Variants in SNX29 observed in about 807,000 individuals in gnomAD.
SNX29 encodes sorting nexin-29.
In SNX29, 78 loss-of-function variants were observed where a neutral mutation model predicts 102.1. That is an observed-to-expected ratio of 0.76 (90% CI 0.64 to 0.92). The LOEUF is 0.92. Ranked by LOEUF, SNX29 falls within the 40% of genes least tolerant of loss-of-function variation. The pLI is 0.00. For synonymous variants in SNX29, 580 were observed against 414.5 expected (o/e 1.40, Z -4.85); for missense variants, 1,280 against 1,061.7 (o/e 1.21, Z -2.86).
intron 15 of SNX29, among the ~76,000 whole-genome samples, chr16:12,281,371 G>C (rs886555621): frequency 1.3e-5 from 2 of 152,198 alleles, no homozygotes; most frequent in African/African-American, 4.8e-5. Context: ...TTTGTGCTTG[G>C]TGACCTGGAA....
At chr16:12,469,334 T>C (rs1326050320) in intron 18 of SNX29, among the ~76,000 whole-genome samples, 1 of 152,240 alleles carries the variant, frequency 6.6e-6, no homozygotes, top group Non-Finnish European at 1.5e-5. Context: ...GTGAGGACAC[T>C]TATAGTTAAT....
chr16:12,312,436 C>T (rs945945307), intron 15 of SNX29, among the ~76,000 whole-genome samples: 1 of 152,162 alleles, frequency 6.6e-6, no homozygotes, highest in African/African-American at 2.4e-5. Flanking sequence ...GAGTGAGGGT[C>T]TGTTTTTGAG....
chr16:12,501,028 T>A (rs1055761598), intron 19 of SNX29, among the ~76,000 whole-genome samples: 22 of 152,202 alleles, frequency 1.4e-4, no homozygotes, highest in Non-Finnish European at 2.9e-4. Context: ...TGTTGCCCTC[T>A]CAGGATGAAA....
At chr16:12,053,864 A>G (rs1384439304) in intron 8 of SNX29, among the ~76,000 whole-genome samples, 1 of 152,186 alleles carries the variant, frequency 6.6e-6, no homozygotes, top group Non-Finnish European at 1.5e-5. Context: ...TCCATTTTAC[A>G]GACAGAAGAA....
intron 18 of SNX29, among the ~76,000 whole-genome samples, chr16:12,449,940 C>G (rs528122769): frequency 6.6e-6 from 1 of 152,322 alleles, no homozygotes; most frequent in Admixed American, 6.5e-5. Context: ...CATAATTCCC[C>G]ACGTGTTGTG....
chr16:12,291,538 T>G (rs1286690312), intron 15 of SNX29, among the ~76,000 whole-genome samples: 1 of 152,180 alleles, frequency 6.6e-6, no homozygotes, highest in Non-Finnish European at 1.5e-5. Context: ...ATCAGTAGGT[T>G]TTCCTCCTCA....
At chr16:12,236,658 C>T (rs565193461) in intron 14 of SNX29, among the ~76,000 whole-genome samples, 13 of 152,218 alleles carry the variant, frequency 8.5e-5, no homozygotes, top group Admixed American at 2.0e-4. Context: ...GGAAAACCAG[C>T]CACAGGCTAC....
At chr16:12,380,510 C>G (rs2083047163) in intron 16 of SNX29, among the ~76,000 whole-genome samples, 1 of 132,804 alleles carries the variant, frequency 7.5e-6, no homozygotes. Context: ...ATCCACCTAC[C>G]CACCCCTCAT....
rs560433392 is a variant in SNX29 at position 12,573,630 on chromosome 16, C to A, written c.*5001C>A. ...CAGCTCTGCCGCTGGTCTCCATGAA[C>A]GGCAAGGGGAACCACCACTCATTCA... On this transcript the variant is annotated 3_prime_UTR_variant, in exon 21 of 21. Coordinates refer to ENST00000566228, the MANE Select transcript of SNX29 (RefSeq NM_032167.5). 1.4e-5 allele frequency: 3 copies of A among 221,392 alleles called. No individual in the cohort carries two copies. In the South Asian group the frequency reaches 5.5e-4, roughly 41 times the overall value. 13.7% of individuals were successfully genotyped at this position (221,392 alleles called of 1,614,324 possible).
intron 20 of SNX29, among the ~76,000 whole-genome samples, chr16:12,547,751 G>A (rs185298068): frequency 9.2e-5 from 14 of 152,276 alleles, no homozygotes; most frequent in Admixed American, 5.9e-4. Flanking sequence ...GCCTCCTCCT[G>A]TGAAGCTGCA....
chr16:12,078,930 A>C lies in SNX29; in HGVS notation c.1402+15A>C. The C allele has an allele frequency of 1.3e-6, 2 of 1,584,250 alleles. No homozygotes were observed. Among genetic ancestry groups the C allele is most frequent in the Non-Finnish European group, 1.7e-6 (2 of 1,164,648 alleles). ...CATGACAATTAGTAAGTACTTTCGCAGCCCCCTCCACCAGCTCTGGGATGA... is the reference window on the plus strand; with the variant it reads ...CATGACAATTAGTAAGTACTTTCGCCGCCCCCTCCACCAGCTCTGGGATGA... On this transcript the variant is annotated intron_variant, in intron 11 of 20. Transcript: ENST00000566228.
At chr16:12,537,340 C>A (rs923730485) in intron 20 of SNX29, among the ~76,000 whole-genome samples, 1 of 152,166 alleles carries the variant, frequency 6.6e-6, no homozygotes, top group African/African-American at 2.4e-5. Flanking sequence ...TTAGTAAATT[C>A]CTACAGGAGC....
At chr16:12,105,884 G>C (rs182273459) in intron 11 of SNX29, among the ~76,000 whole-genome samples, 117 of 152,206 alleles carry the variant, frequency 7.7e-4, no homozygotes, top group African/African-American at 2.8e-3. Flanking sequence ...GAAGTTGGGT[G>C]GGGGACTGCG....
chr16:12,543,275 G>A (rs2077426482), intron 20 of SNX29, among the ~76,000 whole-genome samples: 1 of 152,190 alleles, frequency 6.6e-6, no homozygotes, highest in African/African-American at 2.4e-5. Flanking sequence ...ATCAGCGCAT[G>A]CATCTGGGTC....
At chr16:12,377,558 C>A (rs1025564652) in intron 16 of SNX29, among the ~76,000 whole-genome samples, 1 of 152,142 alleles carries the variant, frequency 6.6e-6, no homozygotes, top group African/African-American at 2.4e-5. Context: ...TACTTGTGAG[C>A]GGTCTTGATC....
At chr16:12,493,371 T>C (rs1240357386) in intron 19 of SNX29, among the ~76,000 whole-genome samples, 1 of 152,234 alleles carries the variant, frequency 6.6e-6, no homozygotes, top group East Asian at 1.9e-4. Flanking sequence ...CTTGTGATTT[T>C]TGCACATTGA....
At chr16:12,409,612 G>A (rs2084313505) in intron 18 of SNX29, among the ~76,000 whole-genome samples, 1 of 151,918 alleles carries the variant, frequency 6.6e-6, no homozygotes, top group African/African-American at 2.4e-5. Flanking sequence ...TGTATTTTTA[G>A]TAGAGACGGT....
intron 13 of SNX29, among the ~76,000 whole-genome samples, chr16:12,157,966 A>G (rs566996195): frequency 1.5e-3 from 229 of 152,290 alleles, no homozygotes; most frequent in African/African-American, 5.4e-3. Context: ...GTGTTTTCCC[A>G]GCATCCCAGA....
intron 13 of SNX29, among the ~76,000 whole-genome samples, chr16:12,161,953 T>C (rs755427559): frequency 2.0e-5 from 3 of 152,334 alleles, no homozygotes; most frequent in South Asian, 2.1e-4. Context: ...TGATGAGCAA[T>C]GCAAAATGGA....
Sources: allele counts gnomAD v4.1 joint callset (sites outside exome capture counted in the v4.1 genomes callset), GRCh38; gene constraint gnomAD v4.1.1; transcripts MANE v1.5; gene names NCBI Gene and HGNC (gene_info 2026-07-23, HGNC 2026-07-21).